MYO5A: variants seen among roughly 807,000 people sequenced by gnomAD.
MYO5A encodes myosin VA, also known as unconventional myosin-Va.
A neutral mutation model predicts 249.7 loss-of-function variants in MYO5A; 98 were observed. The observed-to-expected ratio is 0.39, with a 90% CI of 0.33 to 0.46. The LOEUF (loss-of-function observed/expected upper bound fraction) is 0.46. MYO5A is among the 20% of genes least tolerant of loss of function. The pLI is 0.98. For synonymous variants in MYO5A, 778 were observed against 810.6 expected, an observed-to-expected ratio of 0.96 and a Z score of 0.68; for missense variants, 1,696 against 2,308.8, an observed-to-expected ratio of 0.73 and a Z score of 5.44.
At chr15:52,350,154 G>A (rs28697879) in intron 28 of MYO5A, among the ~76,000 whole-genome samples, 8,268 of 152,146 alleles carry the variant, frequency 0.054, 652 homozygotes, top group African/African-American at 0.18. Flanking sequence ...GGATGGTCTC[G>A]ATCTCCTGAC....
intron 14 of MYO5A, among the ~76,000 whole-genome samples, chr15:52,384,708 A>G (rs539446919): frequency 6.6e-6 from 1 of 152,222 alleles, no homozygotes; most frequent in Non-Finnish European, 1.5e-5. Context: ...TTTTAGCATC[A>G]GGTGGAGAAA....
rs1312436632 is a variant in MYO5A, at chr15:52,329,972, A to AG, written c.4555+380dup. 2.0e-4 allele frequency among the ~76,000 whole-genome samples: 22 copies of AG among 110,298 alleles called. No homozygotes were observed. In the East Asian group the frequency reaches 4.0e-3, roughly 20 times the overall value. The allele number at this position is 110,298 out of a possible 152,430, so 72.4% of individuals were successfully genotyped here. A position where few individuals can be genotyped will look rare whatever the true frequency, so the allele number is the denominator to read the frequency against. ...TGCTATTTTCCCGAGGCTGGCCTTGAGGGTTTTTTCTTTTTCTTTTTTTTT... is the reference window on the plus strand; with the variant it reads ...TGCTATTTTCCCGAGGCTGGCCTTGAGGGGTTTTTTCTTTTTCTTTTTTTTT... On this transcript the variant is annotated intron_variant, in intron 35 of 41. Coordinates refer to ENST00000399233, the MANE Select transcript of MYO5A (RefSeq NM_001382347.1).
Position 52,309,357 on chromosome 15 carries a change from A to T in MYO5A, c.*4339T>A, listed in dbSNP as rs1254382940. On this transcript the variant is annotated 3_prime_UTR_variant, in exon 42 of 42. Transcript: ENST00000399233. ...GCGCTGAGCACTTGGTCTCCTTAAAACAAGTAACTTGGTACGCAGCACTTG... is the reference window on the plus strand; with the variant it reads ...GCGCTGAGCACTTGGTCTCCTTAAATCAAGTAACTTGGTACGCAGCACTTG... The T allele has an allele frequency of 6.6e-6, 1 of 152,194 alleles. No individual in the cohort carries two copies. Among genetic ancestry groups the T allele is most frequent in the African/African-American group, 2.4e-5 (1 of 41,424 alleles). 9.4% of individuals were successfully genotyped at this position (152,194 alleles called of 1,614,324 possible).
intron 1 of MYO5A, among the ~76,000 whole-genome samples, chr15:52,512,394 G>A (rs1217719374): frequency 1.3e-5 from 2 of 151,772 alleles, no homozygotes; most frequent in Non-Finnish European, 2.9e-5. Flanking sequence ...ACTGATTAAT[G>A]CAATATAATA....
chr15:52,340,735 TG>T (rs2039338934), intron 31 of MYO5A, among the ~76,000 whole-genome samples: 1 of 151,996 alleles, frequency 6.6e-6, no homozygotes, highest in African/African-American at 2.4e-5. Flanking sequence ...TCACCTGAGA[TG>T]AGGAGTTTAA....
At chr15:52,457,180 G>A (rs139114697) in intron 1 of MYO5A, among the ~76,000 whole-genome samples, 7 of 152,254 alleles carry the variant, frequency 4.6e-5, no homozygotes, top group African/African-American at 7.2e-5. Context: ...GGTGGCTCAC[G>A]TCTGTAATCC....
In MYO5A at chr15:52,438,945, T is replaced by C. The variant is rs527598957; in HGVS notation, c.28-5660A>G. ...AGCAGGGTGTCTGCTGTACTCCTGA[T>C]CCAGCTAGGCGCCCACTGCTGCTCC... On this transcript the variant is annotated intron_variant, in intron 1 of 41. Coordinates refer to ENST00000399233, the MANE Select transcript of MYO5A (RefSeq NM_001382347.1). Among the ~76,000 whole-genome samples, 5 of 152,354 alleles carry C rather than the reference T, an allele frequency of 3.3e-5. No homozygotes were observed. The East Asian group carries it at 7.7e-4, about 24-fold the overall frequency.
intron 32 of MYO5A, among the ~76,000 whole-genome samples, chr15:52,338,446 G>A (rs1341655140): frequency 1.3e-5 from 2 of 152,076 alleles, no homozygotes; most frequent in Non-Finnish European, 2.9e-5. Flanking sequence ...TGGTAGGTAG[G>A]TGGGCAAGGT....
chr15:52,436,025 C>G (rs1273692964), intron 1 of MYO5A, among the ~76,000 whole-genome samples: 1 of 152,238 alleles, frequency 6.6e-6, no homozygotes, highest in Admixed American at 6.5e-5. Context: ...TCAAGCGATT[C>G]TCCTGCCTCA....
At chr15:52,358,234 T>C (rs1352305845) in intron 25 of MYO5A, among the ~76,000 whole-genome samples, 2 of 152,206 alleles carry the variant, frequency 1.3e-5, no homozygotes, top group Non-Finnish European at 2.9e-5. Flanking sequence ...CTTTTTATCA[T>C]GGCTTCCCCC....
At position 52,383,141 on chromosome 15, in the gene MYO5A, G is replaced by A. The variant is rs201289237; in HGVS notation, c.1962C>T (p.Thr654=). Residue 654 remains threonine, a synonymous_variant, in exon 16 of 42, where the codon ACC becomes ACT. Transcript: ENST00000399233. The part of the protein sequence containing the change: ...HLLMETLNAT[T]PHYVRCIKPN... ...GCTTGATACAGCGCACATAGTGAGG[G>A]GTAGTGGCATTGAGTGTCTCCATAA... is the stretch of plus-strand genomic sequence containing the variant. 13 of 1,613,948 alleles carry A rather than the reference G, an allele frequency of 8.1e-6. No homozygotes were observed. The highest frequency in any genetic ancestry group is 1.3e-5 in the African/African-American group (1 of 74,888).
rs1224038581 is a variant in MYO5A, at chr15:52,410,413, T to C, written c.676A>G (p.Ile226Val). The change falls in exon 6 of 42, where the codon ATT becomes GTT. Residue 226 changes from isoleucine to valine, a missense_variant. Ile to Val is a conservative substitution (Grantham distance 29, BLOSUM62 3). Transcript: ENST00000399233. ...ATTCGATATCTCTTATCAAAACCAA[T>C]CTCAATATACTTCCCAAAACGGCTG... ...NSSRFGKYIE[I>V]GFDKRYRIIG... 3 of 1,613,410 alleles carry C rather than the reference T, an allele frequency of 1.9e-6. No individual in the cohort carries two copies. Among genetic ancestry groups the C allele is most frequent in the Non-Finnish European group, 2.5e-6 (3 of 1,179,508 alleles).
intron 1 of MYO5A, among the ~76,000 whole-genome samples, chr15:52,472,636 T>C (rs2076500232): frequency 6.6e-6 from 1 of 152,152 alleles, no homozygotes. Context: ...AGTGAGAACA[T>C]GCAGTGTTTG....
intron 12 of MYO5A, 127 bp from the exon 13 acceptor site, chr15:52,389,490 T>C: frequency 1.1e-6 from 1 of 877,542 alleles, no homozygotes; most frequent in Admixed American, 2.8e-5. Flanking sequence ...CAATTCAATT[T>C]AGGAGTTCAT....
At chr15:52,346,640 A>G (rs1468260548) in intron 29 of MYO5A, 179 bp from the exon 30 acceptor site, 2 of 684,846 alleles carry the variant, frequency 2.9e-6, no homozygotes, top group Non-Finnish European at 5.4e-6. Context: ...CAGGTAGTTG[A>G]GAAGAGGTAC....
At chr15:52,507,474 A>T (rs1485015621) in intron 1 of MYO5A, among the ~76,000 whole-genome samples, 2 of 152,178 alleles carry the variant, frequency 1.3e-5, no homozygotes, top group Non-Finnish European at 2.9e-5. Flanking sequence ...TGAAGGGAAA[A>T]TTTTAATAGT....
chr15:52,318,382 G>A (rs1266324700), intron 39 of MYO5A, among the ~76,000 whole-genome samples: 1 of 150,298 alleles, frequency 6.7e-6, no homozygotes, highest in African/African-American at 2.5e-5. Context: ...CTTCAACCCA[G>A]GAGGCAGAGG....
chr15:52,427,881 C>A (rs772475660), intron 3 of MYO5A, among the ~76,000 whole-genome samples: 14 of 152,090 alleles, frequency 9.2e-5, no homozygotes, highest in Non-Finnish European at 1.9e-4. Flanking sequence ...CATGCAGAGG[C>A]TTTATTTCTT....
intron 36 of MYO5A, among the ~76,000 whole-genome samples, chr15:52,325,341 A>T (rs1234765982): frequency 6.6e-6 from 1 of 151,912 alleles, no homozygotes; most frequent in Non-Finnish European, 1.5e-5. Flanking sequence ...TAAGGAGAAG[A>T]CTTCATTCTA....
Sources: gnomAD v4.1 joint callset for allele counts (sites outside exome capture counted in the v4.1 genomes callset) on GRCh38, gnomAD v4.1.1 for gene constraint, MANE v1.5 for transcripts, NCBI Gene and HGNC (gene_info 2026-07-23, HGNC 2026-07-21) for gene names.